KCNH6: variants seen among roughly 807,000 people sequenced by gnomAD.
The protein encoded by KCNH6 is voltage-gated inwardly rectifying potassium channel KCNH6.
KCNH6 carries 81 observed loss-of-function variants against 83.4 expected under a neutral mutation model. That is an observed-to-expected ratio of 0.97 (90% CI 0.81 to 1.17). KCNH6 has a LOEUF of 1.17. Among genes scored for constraint, KCNH6 ranks in the 50% most tolerant of loss-of-function variants. The probability of loss-of-function intolerance (pLI) is 0.00; values close to 1 mark genes in which losing one functional copy is unlikely to be tolerated. For synonymous variants in KCNH6, 503 were observed against 545.6 expected, an observed-to-expected ratio of 0.92 and a Z score of 1.09; for missense variants, 1,203 against 1,290.5, an observed-to-expected ratio of 0.93 and a Z score of 1.04.
In KCNH6 at chr17:63,542,338, G is replaced by A; in HGVS notation, c.2052G>A (p.Lys684=). 3 of 1,614,154 alleles carry A rather than the reference G, an allele frequency of 1.9e-6. No individual in the cohort carries two copies. Among genetic ancestry groups the A allele is most frequent in the East Asian group, 2.2e-5 (1 of 44,886 alleles). ...VRALTYCDLH[K]IQRADLLEVL... is the part of the protein sequence containing the mutation. ...CTCTGACCTACTGCGACCTGCACAAGATCCAGCGGGCAGATCTGCTGGAGG... is the reference window on the plus strand; with the variant it reads ...CTCTGACCTACTGCGACCTGCACAAAATCCAGCGGGCAGATCTGCTGGAGG... The change falls in exon 9 of 13, where the codon AAG becomes AAA. Residue 684 remains lysine, a synonymous_variant. Transcript: ENST00000314672.
chr17:63,541,248 C>T (rs905424039), intron 8 of KCNH6, among the ~76,000 whole-genome samples: 6 of 151,934 alleles, frequency 3.9e-5, no homozygotes, highest in Middle Eastern at 3.4e-3. Flanking sequence ...CTGGGATATT[C>T]CCCCTTGCCT....
rs750166227 is a variant in KCNH6, at chr17:63,545,784, G to T, written c.2759G>T (p.Gly920Val). The change falls in exon 13 of 13, where the codon GGA becomes GTA. Residue 920 changes from glycine to valine, a missense_variant. By Grantham distance (109) the Gly-to-Val change is moderately radical (BLOSUM62 -3). Coordinates refer to ENST00000314672, the MANE Select transcript of KCNH6 (RefSeq NM_001278919.2). The part of the protein sequence containing the change: ...ASPLHPLEVQ[G>V]LICGPCFSSL... Reference sequence around the variant, plus strand: ...CCTCTACATCCCCTGGAAGTACAAGGACTCATCTGTGGTCCCTGCTTCTCC... The same window carrying T: ...CCTCTACATCCCCTGGAAGTACAAGTACTCATCTGTGGTCCCTGCTTCTCC... The T allele has an allele frequency of 1.9e-6, 3 of 1,614,130 alleles. No individual in the cohort carries two copies. In the Admixed American group the frequency reaches 5.0e-5, roughly 27 times the overall value.
rs2032283352 is a variant in KCNH6, at chr17:63,533,862, A to T, written c.676-24A>T. On this transcript the variant is annotated intron_variant, in intron 4 of 12. Coordinates refer to ENST00000314672, the MANE Select transcript of KCNH6 (RefSeq NM_001278919.2). The surrounding 1 kb of genome is among the most constrained non-coding windows in gnomAD (Gnocchi z 4.1). ...ACCAGCAGTGGCTGCCCCGTGCCTG[A>T]CCTCCCTCGGCCCCCACCCCCAGGT... 1 of 1,598,730 alleles carries T rather than the reference A, an allele frequency of 6.3e-7. No individual in the cohort carries two copies. Among genetic ancestry groups the T allele is most frequent in the African/African-American group, 1.3e-5 (1 of 74,550 alleles).
chr17:63,534,324 C>T lies in KCNH6; in HGVS notation c.1101+13C>T, dbSNP rs373503996. 3 of 1,599,098 alleles carry T rather than the reference C, an allele frequency of 1.9e-6. No individual in the cohort carries two copies. The highest frequency in any genetic ancestry group is 2.6e-6 in the Non-Finnish European group (3 of 1,171,718). On this transcript the variant is annotated intron_variant, in intron 5 of 12. Coordinates refer to ENST00000314672, the MANE Select transcript of KCNH6 (RefSeq NM_001278919.2). This position sits in a 1 kb window ranked among gnomAD's most constrained non-coding sequence, Gnocchi z 5.0. ...TGGCTCCGATGAGGTGAGCAGACCC[C>T]CTCCAGGCCAGCAGCCATGGCTGTC...
intron 8 of KCNH6, among the ~76,000 whole-genome samples, chr17:63,541,558 G>GATTCTT (rs2032863123): frequency 6.7e-6 from 1 of 150,028 alleles, no homozygotes; most frequent in African/African-American, 2.5e-5. Flanking sequence ...CTCCCAAAGT[G>GATTCTT]CTGGGATTAC....
At position 63,544,321 on chromosome 17, in the gene KCNH6, G is replaced by A. The variant is rs1568089232; in HGVS notation, c.2306G>A (p.Arg769Lys). Residue 769 changes from arginine to lysine, a missense_variant, in exon 11 of 13, where the codon AGG (arginine) becomes AAG (lysine). Physicochemically the swap from Arg to Lys is conservative, Grantham distance 26. Coordinates refer to ENST00000314672, the MANE Select transcript of KCNH6 (RefSeq NM_001278919.2). ...WPELLQEMPP[R>K]HSPQSPQEDP... ...GAGCTACTGCAGGAAATGCCCCCAAGGCACAGCCCCCAAAGCCCTCAGGAA... is the reference window on the plus strand; with the variant it reads ...GAGCTACTGCAGGAAATGCCCCCAAAGCACAGCCCCCAAAGCCCTCAGGAA... 1.9e-6 allele frequency: 3 copies of A among 1,612,286 alleles called. 1 individual carries two copies. The highest frequency in any genetic ancestry group is 2.2e-5 in the South Asian group (2 of 90,884).
At chr17:63,544,550 C>T (rs1446531551) in intron 11 of KCNH6, 139 bp downstream of exon 11, 2 of 669,214 alleles carry the variant, frequency 3.0e-6, no homozygotes, top group Middle Eastern at 2.9e-4. Flanking sequence ...TGTCATTAAG[C>T]ACAATTCCCC....
rs1598002603 is a variant in KCNH6, at chr17:63,538,573, T to G, written c.1865T>G (p.Val622Gly). 1 of 1,612,874 alleles carries G rather than the reference T, an allele frequency of 6.2e-7. No homozygotes were observed. The highest frequency in any genetic ancestry group is 8.5e-7 in the Non-Finnish European group (1 of 1,179,626). ...TTHAPPGDTL[V>G]HLGDVLSTLY... ...CACGCGCCGCCTGGGGACACGCTGG[T>G]GCACCTCGGCGACGTGCTCTCCACC... The change falls in exon 8 of 13, where the codon GTG (valine) becomes GGG (glycine). Residue 622 changes from valine (V) to glycine (G), a missense_variant. Coordinates refer to ENST00000314672, the MANE Select transcript of KCNH6 (RefSeq NM_001278919.2). The surrounding 1 kb of genome is among the most constrained non-coding windows in gnomAD (Gnocchi z 4.0).
chr17:63,535,829 C>T lies in KCNH6; in HGVS notation c.1262C>T (p.Ala421Val). The change falls in exon 6 of 13, where the codon GCC becomes GTC. Residue 421 changes from alanine (A) to valine (V), a missense_variant. By Grantham distance (64) the Ala-to-Val change is moderately conservative. Transcript: ENST00000314672. The surrounding 1 kb of genome is among the most constrained non-coding windows in gnomAD (Gnocchi z 4.9). Reference protein sequence around the residue: ...IAHWLACIWYAIGNVERPYLE... With the variant: ...IAHWLACIWYVIGNVERPYLE... The stretch of plus-strand genomic sequence containing the variant: ...CACTGGCTGGCCTGCATCTGGTACG[C>T]CATCGGCAATGTGGAGCGGCCCTAC... 3.1e-6 allele frequency: 5 copies of T among 1,614,210 alleles called. No homozygotes were observed. The highest frequency in any genetic ancestry group is 2.2e-5 in the East Asian group (1 of 44,894).
Position 63,533,701 on chromosome 17 carries a change from T to A in KCNH6, c.676-185T>A, listed in dbSNP as rs919110929. On this transcript the variant is annotated intron_variant, in intron 4 of 12. Coordinates refer to ENST00000314672, the MANE Select transcript of KCNH6 (RefSeq NM_001278919.2). The surrounding 1 kb of genome is among the most constrained non-coding windows in gnomAD (Gnocchi z 4.1). Reference sequence around the variant, plus strand: ...TTTCTCTGCACTTCCTCTCGAGGCATCTGTCCCCTTAGGAACTTGCCTTCT... The same window carrying A: ...TTTCTCTGCACTTCCTCTCGAGGCAACTGTCCCCTTAGGAACTTGCCTTCT... Among the ~76,000 whole-genome samples the A allele has an allele frequency of 3.3e-5, 5 of 152,086 alleles. No homozygotes were observed. Among genetic ancestry groups the A allele is most frequent in the African/African-American group, 4.8e-5 (2 of 41,400 alleles).
At chr17:63,539,729 C>T (rs905776931) in intron 8 of KCNH6, among the ~76,000 whole-genome samples, 1 of 152,188 alleles carries the variant, frequency 6.6e-6, no homozygotes, top group African/African-American at 2.4e-5. Context: ...CCTGTCCCTG[C>T]CTGGATCCAG....
chr17:63,533,896 T>C lies in KCNH6; in HGVS notation c.686T>C (p.Leu229Pro). ...VTEKVTQVLSLGADVLPEYKL... is the reference protein window; with the variant it reads ...VTEKVTQVLSPGADVLPEYKL... ...GGCCCCCACCCCCAGGTCCTGTCCC[T>C]GGGCGCGGATGTGCTGCCGGAGTAC... is the stretch of plus-strand genomic sequence containing the variant. Residue 229 changes from leucine to proline, a missense_variant, in exon 5 of 13, where the codon CTG becomes CCG. Leu to Pro is a moderately conservative substitution (Grantham distance 98, BLOSUM62 -3). Coordinates refer to ENST00000314672, the MANE Select transcript of KCNH6 (RefSeq NM_001278919.2). This position sits in a 1 kb window ranked among gnomAD's most constrained non-coding sequence, Gnocchi z 4.1. 3 of 1,612,784 alleles carry C rather than the reference T, an allele frequency of 1.9e-6. No individual in the cohort carries two copies. The highest frequency in any genetic ancestry group is 1.1e-5 in the South Asian group (1 of 91,048).
intron 4 of KCNH6, among the ~76,000 whole-genome samples, 178 bp downstream of exon 4, chr17:63,530,720 G>A (rs1427028848): frequency 6.6e-6 from 1 of 152,192 alleles, no homozygotes; most frequent in Non-Finnish European, 1.5e-5. Context: ...AAGACCTGAA[G>A]GCCTGCCCTG....
In KCNH6 at chr17:63,538,324, G is replaced by A. The variant is rs142435652; in HGVS notation, c.1701+60G>A. On this transcript the variant is annotated intron_variant, in intron 7 of 12. Transcript: ENST00000314672. This position sits in a 1 kb window ranked among gnomAD's most constrained non-coding sequence, Gnocchi z 4.0. Reference sequence around the variant, plus strand: ...TGGGGGGGAGCCAAGATCCTGCGGGGGCGGGGCGTCCCCAGAGCCCTCACC... The same window carrying A: ...TGGGGGGGAGCCAAGATCCTGCGGGAGCGGGGCGTCCCCAGAGCCCTCACC... 6,885 of 1,609,360 alleles carry A rather than the reference G, an allele frequency of 4.3e-3. 23 individuals carry two copies. The highest frequency in any genetic ancestry group is 5.4e-3 in the Non-Finnish European group (6,399 of 1,177,806).
chr17:63,530,472 C>T lies in KCNH6; in HGVS notation c.605C>T (p.Thr202Met), dbSNP rs541237299. The T allele has an allele frequency of 1.5e-5, 24 of 1,614,212 alleles. No homozygotes were observed. Among genetic ancestry groups the T allele is most frequent in the Non-Finnish European group, 1.9e-5 (23 of 1,180,042 alleles). Residue 202 changes from threonine (T) to methionine (M), a missense_variant, in exon 4 of 13, where the codon ACG becomes ATG. Transcript: ENST00000314672. ...NLEKHRSSST[T>M]EIEIIAPHKV... is the part of the protein sequence containing the mutation. ...GAGAAGCACCGCTCCAGCTCCACCA[C>T]GGAGATTGAGATCATCGCGCCCCAT...
intron 2 of KCNH6, among the ~76,000 whole-genome samples, chr17:63,525,354 T>C (rs1182012473): frequency 1.3e-5 from 2 of 152,226 alleles, no homozygotes; most frequent in East Asian, 3.8e-4. Context: ...CTCGGAGATT[T>C]CTTTTGAGTA....
intron 2 of KCNH6, among the ~76,000 whole-genome samples, chr17:63,525,222 C>T (rs1265764848): frequency 6.6e-6 from 1 of 152,230 alleles, no homozygotes; most frequent in African/African-American, 2.4e-5. Flanking sequence ...TGATGTCCTG[C>T]TTACTTTAGG....
chr17:63,526,127 T>C (rs2031695024), intron 2 of KCNH6, among the ~76,000 whole-genome samples: 1 of 152,126 alleles, frequency 6.6e-6, no homozygotes, highest in Non-Finnish European at 1.5e-5. Context: ...GAAGGGAACC[T>C]AGGAACCTTG....
rs745960511 is a variant in KCNH6 at position 63,538,506 on chromosome 17, A to C, written c.1798A>C (p.Lys600Gln). 1.9e-6 allele frequency: 3 copies of C among 1,603,814 alleles called. No individual in the cohort carries two copies. The South Asian group carries it at 3.3e-5, about 18-fold the overall frequency. ...QHCPAFSGAGKGCLRALAVKF... is the reference protein window; with the variant it reads ...QHCPAFSGAGQGCLRALAVKF... ...CTGCCCAGCTTTCAGCGGCGCCGGC[A>C]AGGGCTGCCTGCGCGCGCTAGCCGT... is the stretch of plus-strand genomic sequence containing the variant. Residue 600 changes from lysine (K) to glutamine (Q), a missense_variant, in exon 8 of 13, where the codon AAG (lysine) becomes CAG (glutamine). Lys to Gln is a moderately conservative substitution (Grantham distance 53). Coordinates refer to ENST00000314672, the MANE Select transcript of KCNH6 (RefSeq NM_001278919.2). This position sits in a 1 kb window ranked among gnomAD's most constrained non-coding sequence, Gnocchi z 4.0.
Sources: gnomAD v4.1 joint callset for allele counts (sites outside exome capture counted in the v4.1 genomes callset) on GRCh38, gnomAD v4.1.1 for gene constraint, Gnocchi (gnomAD v3.1) non-coding constraint, MANE v1.5 for transcripts, NCBI Gene and HGNC (gene_info 2026-07-23, HGNC 2026-07-21) for gene names.